Variants in CCNH observed in about 807,000 individuals in gnomAD.
CCNH encodes the protein cyclin H.
In CCNH, 31 loss-of-function variants were observed where a neutral mutation model predicts 41.9. The ratio of observed to expected loss-of-function variants is 0.74; its 90% CI spans 0.56 to 1.00. CCNH has a LOEUF of 1.00. Ranked by LOEUF, CCNH falls within the 50% of genes least tolerant of loss-of-function variation. The pLI, the probability that CCNH is intolerant of heterozygous loss-of-function variation, is 0.00. For missense variants in CCNH, 362 were observed against 388.4 expected, an observed-to-expected ratio of 0.93 and a Z score of 0.57; for synonymous variants, 138 against 136.1, an observed-to-expected ratio of 1.01 and a Z score of -0.10.
chr5:87,378,682 T>C (rs1761491637), upstream of CCNH: 10 of 878,794 alleles, frequency 1.1e-5, no homozygotes, highest in Admixed American at 1.4e-4. Context: ...GTAATACATT[T>C]ATAAAAATGT....
At chr5:87,410,376 A>T in intron 2 of CCNH, among the ~76,000 whole-genome samples, 1 of 152,010 alleles carries the variant, frequency 6.6e-6, no homozygotes. Context: ...TATACCTAAA[A>T]CTCTCTCTGA....
At chr5:87,326,008 G>C (rs1421281760) in intron 9 of CCNH, among the ~76,000 whole-genome samples, 1 of 151,846 alleles carries the variant, frequency 6.6e-6, no homozygotes, top group East Asian at 1.9e-4. Flanking sequence ...GTCTCTCTCT[G>C]TTGCCCAGTC....
At chr5:87,362,335 A>G (rs553104916) in intron 9 of CCNH, among the ~76,000 whole-genome samples, 2 of 152,314 alleles carry the variant, frequency 1.3e-5, no homozygotes, top group African/African-American at 4.8e-5. Flanking sequence ...GGGATTGGCA[A>G]GGAAACCTTT....
chr5:87,411,454 G>T, intron 1 of CCNH, 108 bp from the exon 2 acceptor site: 1 of 984,442 alleles, frequency 1.0e-6, no homozygotes, highest in Non-Finnish European at 1.4e-6. Context: ...CCAACGAAGG[G>T]TATATATCAC....
chr5:87,384,559 A>C (rs895703940), intron 9 of CCNH, among the ~76,000 whole-genome samples: 1 of 152,138 alleles, frequency 6.6e-6, no homozygotes, highest in Non-Finnish European at 1.5e-5. Context: ...TAAATCTATA[A>C]ATTATTAATA....
downstream of CCNH, chr5:87,391,656 A>T (rs1293713945): frequency 4.3e-6 from 1 of 233,050 alleles, no homozygotes; most frequent in African/African-American, 2.2e-5. Context: ...TTACCCATTC[A>T]ACCATTTTAT....
chr5:87,354,720 G>A (rs1044269407), intron 9 of CCNH, among the ~76,000 whole-genome samples: 2 of 152,304 alleles, frequency 1.3e-5, no homozygotes, highest in Non-Finnish European at 2.9e-5. Flanking sequence ...CATGGTGAAA[G>A]CCAAAATAGG....
chr5:87,331,597 C>G, intron 9 of CCNH: 1 of 1,315,962 alleles, frequency 7.6e-7, no homozygotes. Flanking sequence ...GACTCAGTAA[C>G]AAATAATAGA....
chr5:87,379,444 C>A (rs1761552601), upstream of CCNH, among the ~76,000 whole-genome samples: 1 of 152,086 alleles, frequency 6.6e-6, no homozygotes, highest in Non-Finnish European at 1.5e-5. Flanking sequence ...TTAAATAAGC[C>A]TCATTCAGAA....
At chr5:87,334,812 A>G (rs1378494688) in intron 9 of CCNH, among the ~76,000 whole-genome samples, 1 of 152,244 alleles carries the variant, frequency 6.6e-6, no homozygotes, top group Non-Finnish European at 1.5e-5. Flanking sequence ...GGAAGTATGT[A>G]TAAAACACTT....
intron 9 of CCNH, chr5:87,353,020 C>G: frequency 1.5e-6 from 1 of 647,690 alleles, no homozygotes; most frequent in East Asian, 2.8e-5. Context: ...ATCATTTATT[C>G]TATTAATGTA....
chr5:87,395,155 A>G (rs1762836757), intron 7 of CCNH, 51 bp from the exon 8 acceptor site: 4 of 1,533,618 alleles, frequency 2.6e-6, no homozygotes, highest in Non-Finnish European at 3.6e-6. Context: ...CACAGAAACT[A>G]TAAAATGTAA....
chr5:87,391,156 G>T, downstream of CCNH: 1 of 559,206 alleles, frequency 1.8e-6, no homozygotes, highest in East Asian at 2.9e-5. Context: ...TTCACAAAAC[G>T]AAATGCTATG....
chr5:87,371,985 G>C (rs1211499173), downstream of CCNH: 1 of 650,968 alleles, frequency 1.5e-6, no homozygotes, highest in Non-Finnish European at 2.7e-6. Context: ...ATGAAGTACA[G>C]TATAGTCTGA....
rs1419103627 is a variant in CCNH at position 87,409,376 on chromosome 5, A to G, written c.241-13T>C. On this transcript the variant is annotated splice_polypyrimidine_tract_variant and intron_variant, in intron 2 of 8. Coordinates refer to ENST00000256897, the MANE Select transcript of CCNH (RefSeq NM_001239.4). ...TACAAGCCGTACCCTAAGGGTTAAA[A>G]AAAATATATCATCAGGATCTAGTCA... 7.1e-7 allele frequency: 1 copy of G among 1,403,918 alleles called. No individual in the cohort carries two copies. Among genetic ancestry groups the G allele is most frequent in the Non-Finnish European group, 1.0e-6 (1 of 998,394 alleles). The allele number at this position is 1,403,918 out of a possible 1,614,324, so 87.0% of individuals were successfully genotyped here. A position where few individuals can be genotyped will look rare whatever the true frequency, so the allele number is the denominator to read the frequency against.
At chr5:87,401,835 CAT>C in intron 5 of CCNH, 63 bp from the exon 6 acceptor site, 1 of 1,016,580 alleles carries the variant, frequency 9.8e-7, no homozygotes. Context: ...AACATGACAT[CAT>C]AAATTATTTT....
chr5:87,412,910 G>T lies in CCNH; in HGVS notation c.-116C>A, dbSNP rs1764390414. On this transcript the variant is annotated 5_prime_UTR_variant, in exon 1 of 9. Coordinates refer to ENST00000256897, the MANE Select transcript of CCNH (RefSeq NM_001239.4). ...ATCTCGCGGAAGCCTAGGGCGTCCG[G>T]CTAGCCGGCGCTGGCGCGCTGTCGT... is the stretch of plus-strand genomic sequence containing the variant. The T allele has an allele frequency of 6.8e-7, 1 of 1,475,198 alleles. No individual in the cohort carries two copies. The allele number at this position is 1,475,198 out of a possible 1,614,324, so 91.4% of individuals were successfully genotyped here.
intron 9 of CCNH, among the ~76,000 whole-genome samples, chr5:87,362,329 T>A (rs531522780): frequency 2.3e-4 from 35 of 152,168 alleles, no homozygotes; most frequent in Non-Finnish European, 4.6e-4. Flanking sequence ...GTTCTTGGGA[T>A]TGGCAAGGAA....
At chr5:87,358,192 C>T (rs1379038297) in intron 9 of CCNH, among the ~76,000 whole-genome samples, 8 of 152,192 alleles carry the variant, frequency 5.3e-5, no homozygotes, top group Non-Finnish European at 8.8e-5. Context: ...TCCTAGCTAG[C>T]TTTGCTTACT....
Sources: gnomAD v4.1 joint callset for allele counts (sites outside exome capture counted in the v4.1 genomes callset) on GRCh38, gnomAD v4.1.1 for gene constraint, MANE v1.5 for transcripts, NCBI Gene and HGNC (gene_info 2026-07-23, HGNC 2026-07-21) for gene names.